The following DPYD variants were observed in gnomAD, a reference collection of about 807,000 sequenced individuals.
DPYD encodes dihydropyrimidine dehydrogenase.
In DPYD, 109 loss-of-function variants were observed where a neutral mutation model predicts 116.2. That is an observed-to-expected ratio of 0.94 (90% CI 0.80 to 1.10). The LOEUF (loss-of-function observed/expected upper bound fraction) is 1.10. Among genes scored for constraint, DPYD ranks in the 50% least tolerant of loss-of-function variants. The pLI is 0.00. For missense variants in DPYD, 1,302 were observed against 1,254.5 expected, an observed-to-expected ratio of 1.04 and a Z score of -0.57; for synonymous variants, 440 against 432.0, an observed-to-expected ratio of 1.02 and a Z score of -0.23.
chr1:97,172,286 AT>A (rs1007892479), intron 20 of DPYD, among the ~76,000 whole-genome samples: 2 of 152,088 alleles, frequency 1.3e-5, no homozygotes, highest in East Asian at 1.9e-4. Flanking sequence ...GATCAACAGT[AT>A]TTTTTGTCAT....
rs1660588646 is a variant in DPYD at position 97,218,778 on chromosome 1, G to T, written c.2442+16074C>A. Among the ~76,000 whole-genome samples the T allele has an allele frequency of 3.9e-5, 6 of 152,038 alleles. No homozygotes were observed. The South Asian group carries it at 1.2e-3, about 32-fold the overall frequency. On this transcript the variant is annotated intron_variant, in intron 19 of 22. Coordinates refer to ENST00000370192, the MANE Select transcript of DPYD (RefSeq NM_000110.4). ...AAGTGATGAGTGGGCTTTCTGAGAA[G>T]AAGATAACATCAGAGGGTCTAGTTT... is the stretch of plus-strand genomic sequence containing the variant.
chr1:97,675,519 A>C (rs1325759969), intron 8 of DPYD, among the ~76,000 whole-genome samples: 1 of 152,064 alleles, frequency 6.6e-6, no homozygotes, highest in East Asian at 1.9e-4. Context: ...ATTAGAGAAA[A>C]CTCTAAAAAT....
At chr1:97,319,909 G>C (rs1352901331) in intron 16 of DPYD, among the ~76,000 whole-genome samples, 1 of 111,250 alleles carries the variant, frequency 9.0e-6, no homozygotes, top group Non-Finnish European at 2.0e-5. Flanking sequence ...TCATCCCTGG[G>C]ATGCAAGGCT....
In DPYD at chr1:97,644,195, A is replaced by C. The variant is rs116378843; in HGVS notation, c.850+34900T>G. 6.1e-3 allele frequency among the ~76,000 whole-genome samples: 928 copies of C among 152,300 alleles called. 14 individuals carry two copies. The highest frequency in any genetic ancestry group is 0.021 in the African/African-American group (883 of 41,576). ...TCTTCTACTGAGAACCACAGAAAACATCTGTATTGAATGCTATGTCTGTAT... is the reference window on the plus strand; with the variant it reads ...TCTTCTACTGAGAACCACAGAAAACCTCTGTATTGAATGCTATGTCTGTAT... On this transcript the variant is annotated intron_variant, in intron 8 of 22. Coordinates refer to ENST00000370192, the MANE Select transcript of DPYD (RefSeq NM_000110.4).
intron 16 of DPYD, among the ~76,000 whole-genome samples, chr1:97,306,560 C>CA (rs1667186490): frequency 1.3e-5 from 2 of 151,826 alleles, no homozygotes; most frequent in African/African-American, 4.8e-5. Flanking sequence ...TTTCAAAGAA[C>CA]AAAATGGAAG....
At chr1:97,796,097 C>T (rs1667554703) in intron 3 of DPYD, among the ~76,000 whole-genome samples, 1 of 151,772 alleles carries the variant, frequency 6.6e-6, no homozygotes, top group Non-Finnish European at 1.5e-5. Context: ...TATACTTAAC[C>T]CCATTTTACA....
intron 15 of DPYD, among the ~76,000 whole-genome samples, chr1:97,380,313 G>C (rs1671877473): frequency 6.6e-6 from 1 of 152,128 alleles, no homozygotes; most frequent in African/African-American, 2.4e-5. Context: ...CAAGGTTCCA[G>C]AAAAGCAAGA....
chr1:97,424,676 C>A (rs542269221), intron 14 of DPYD, among the ~76,000 whole-genome samples: 1 of 151,986 alleles, frequency 6.6e-6, no homozygotes, highest in South Asian at 2.1e-4. Flanking sequence ...TTCGTAAGAT[C>A]GATGTTTCTC....
At chr1:97,472,297 C>T (rs961157887) in intron 13 of DPYD, among the ~76,000 whole-genome samples, 5 of 152,154 alleles carry the variant, frequency 3.3e-5, no homozygotes, top group Non-Finnish European at 2.9e-5. Flanking sequence ...GATTAACTAC[C>T]CAGCACTCCT....
chr1:97,479,340 T>C (rs1003165044), intron 13 of DPYD, among the ~76,000 whole-genome samples: 2 of 152,180 alleles, frequency 1.3e-5, no homozygotes, highest in Non-Finnish European at 2.9e-5. Flanking sequence ...GTATTATTAA[T>C]TGGTCTAATT....
At chr1:97,132,758 C>T (rs1653433839) in intron 20 of DPYD, among the ~76,000 whole-genome samples, 1 of 151,960 alleles carries the variant, frequency 6.6e-6, no homozygotes, top group Non-Finnish European at 1.5e-5. Context: ...TTCTATATTG[C>T]TCCCAAGTTT....
At chr1:97,456,386 C>T (rs1676687469) in intron 13 of DPYD, among the ~76,000 whole-genome samples, 1 of 152,004 alleles carries the variant, frequency 6.6e-6, no homozygotes, top group African/African-American at 2.4e-5. Flanking sequence ...TCTGTGTCTC[C>T]TCTCTGCTTC....
chr1:97,092,226 G>A (rs1649944075), intron 21 of DPYD, among the ~76,000 whole-genome samples: 1 of 152,166 alleles, frequency 6.6e-6, no homozygotes, highest in Admixed American at 6.6e-5. Flanking sequence ...TGAGAGCTGG[G>A]ATTTTCACTA....
intron 21 of DPYD, among the ~76,000 whole-genome samples, chr1:97,084,884 T>A (rs1431333711): frequency 2.0e-5 from 3 of 152,184 alleles, no homozygotes; most frequent in Non-Finnish European, 2.9e-5. Flanking sequence ...TTTCTGGAGA[T>A]CATTGAAACA....
chr1:97,903,483 T>C (rs909104418), intron 1 of DPYD, among the ~76,000 whole-genome samples: 6 of 151,856 alleles, frequency 4.0e-5, no homozygotes, highest in Non-Finnish European at 8.8e-5. Flanking sequence ...ATAACCAGAA[T>C]CTTGAAATGG....
intron 8 of DPYD, among the ~76,000 whole-genome samples, chr1:97,605,167 G>A (rs953455045): frequency 2.6e-5 from 4 of 152,080 alleles, no homozygotes; most frequent in African/African-American, 9.7e-5. Context: ...TATAAAAGAA[G>A]TTGTAAGAAT....
At chr1:97,259,994 G>GA (rs981375440) in intron 18 of DPYD, among the ~76,000 whole-genome samples, 4 of 151,520 alleles carry the variant, frequency 2.6e-5, no homozygotes, top group South Asian at 2.1e-4. Context: ...GTCTTCACAA[G>GA]AAAAAAAATT....
intron 16 of DPYD, among the ~76,000 whole-genome samples, chr1:97,349,037 A>G (rs1223862153): frequency 6.6e-6 from 1 of 152,168 alleles, no homozygotes; most frequent in Non-Finnish European, 1.5e-5. Context: ...CGGAGTAGTG[A>G]TTAAGTGTAC....
intron 2 of DPYD, among the ~76,000 whole-genome samples, chr1:97,851,819 A>ATGTTTG (rs1268262208): frequency 5.9e-5 from 9 of 151,994 alleles, no homozygotes; most frequent in African/African-American, 2.2e-4. Context: ...ATTTGTCTAC[A>ATGTTTG]TGTTTGTGTT....
Sources: gnomAD v4.1 joint callset for allele counts (sites outside exome capture counted in the v4.1 genomes callset) on GRCh38, gnomAD v4.1.1 for gene constraint, MANE v1.5 for transcripts, NCBI Gene and HGNC (gene_info 2026-07-23, HGNC 2026-07-21) for gene names.